Variants in MRC2 observed in about 807,000 individuals in gnomAD.
MRC2 encodes the protein mannose receptor C-type 2.
In MRC2, 84 loss-of-function variants were observed where a neutral mutation model predicts 206.2. The observed-to-expected ratio is 0.41, with a 90% CI of 0.34 to 0.49. The LOEUF (loss-of-function observed/expected upper bound fraction) is 0.49. Among genes scored for constraint, MRC2 ranks in the 20% least tolerant of loss-of-function variants. MRC2 has a pLI of 0.31. For missense variants in MRC2, 1,676 were observed against 2,001.5 expected (o/e 0.84, Z 3.10); for synonymous variants, 798 against 800.0 (o/e 1.00, Z 0.04).
chr17:62,684,851 C>T (rs983893025), intron 20 of MRC2, among the ~76,000 whole-genome samples: 2 of 152,178 alleles, frequency 1.3e-5, no homozygotes, highest in African/African-American at 4.8e-5. Flanking sequence ...TTCAAAAGAA[C>T]ATTACACGGC....
At chr17:62,651,573 A>T (rs939616896) in intron 1 of MRC2, among the ~76,000 whole-genome samples, 1 of 151,832 alleles carries the variant, frequency 6.6e-6, no homozygotes. Flanking sequence ...TTGAAAGTTA[A>T]TTTTTTTCTC....
At chr17:62,657,963 C>T (rs761177568) in intron 1 of MRC2, among the ~76,000 whole-genome samples, 24 of 152,274 alleles carry the variant, frequency 1.6e-4, no homozygotes, top group Non-Finnish European at 2.2e-4. Context: ...AGGAATCCCC[C>T]CTCAGCTTCT....
In MRC2 at chr17:62,664,941, C is replaced by T; in HGVS notation, c.512C>T (p.Pro171Leu). 6.2e-7 allele frequency: 1 copy of T among 1,602,786 alleles called. No individual in the cohort carries two copies. Among genetic ancestry groups the T allele is most frequent in the South Asian group, 1.1e-5 (1 of 90,632 alleles). ...AGCGAGGAGGACCTATGTGCTCTGC[C>T]CTACCACGGTGAGGGGCCGCTTGCA... ...YGSEEDLCAL[P>L]YHEVYTIQGN... Residue 171 changes from proline (P) to leucine (L), a missense_variant, in exon 2 of 30, where the codon CCC becomes CTC. By Grantham distance (98) the Pro-to-Leu change is moderately conservative. Around this residue, in one of 3 missense-constraint regions of MRC2, gnomAD observed 318 missense variants for 346.7 expected, o/e 0.92. Transcript: ENST00000303375. This position sits in a 1 kb window ranked among gnomAD's most constrained non-coding sequence, Gnocchi z 4.7.
rs1332330022 is a variant in MRC2, at chr17:62,664,216, C to G, written c.119-332C>G. Reference sequence around the variant, plus strand: ...CCTCGTGATCCGCCCGCCTCGGCCTCCCAAAGTGCTGGGATTACAGGCGTG... The same window carrying G: ...CCTCGTGATCCGCCCGCCTCGGCCTGCCAAAGTGCTGGGATTACAGGCGTG... On this transcript the variant is annotated intron_variant, in intron 1 of 29. Coordinates refer to ENST00000303375, the MANE Select transcript of MRC2 (RefSeq NM_006039.5). The surrounding 1 kb of genome is among the most constrained non-coding windows in gnomAD (Gnocchi z 4.7). 6.6e-6 allele frequency among the ~76,000 whole-genome samples: 1 copy of G among 151,932 alleles called. No homozygotes were observed. Among genetic ancestry groups the G allele is most frequent in the African/African-American group, 2.4e-5 (1 of 41,260 alleles).
Position 62,692,098 on chromosome 17 carries a change from C to G in MRC2, c.4193-14C>G, listed in dbSNP as rs779150914. On this transcript the variant is annotated splice_polypyrimidine_tract_variant and intron_variant, in intron 28 of 29. Transcript: ENST00000303375. The surrounding 1 kb of genome is among the most constrained non-coding windows in gnomAD (Gnocchi z 4.2). ...CACTGCTATTATTAACTGGCCCCCT[C>G]CTCTTGCCCACAGCTGAGCAGAGCA... 1.5e-5 allele frequency: 24 copies of G among 1,614,122 alleles called. No homozygotes were observed. The highest frequency in any genetic ancestry group is 4.0e-5 in the African/African-American group (3 of 74,950).
chr17:62,649,572 C>CAG (rs1286068310), intron 1 of MRC2, among the ~76,000 whole-genome samples: 12 of 152,180 alleles, frequency 7.9e-5, no homozygotes, highest in Admixed American at 2.6e-4. Flanking sequence ...GCCTGCGTGA[C>CAG]AGAGAGAGAC....
chr17:62,640,260 CA>C (rs2088384205), intron 1 of MRC2, among the ~76,000 whole-genome samples: 1 of 152,070 alleles, frequency 6.6e-6, no homozygotes, highest in Non-Finnish European at 1.5e-5. Flanking sequence ...GCATACCTGA[CA>C]TTCATCTGTC....
In MRC2 at chr17:62,679,868, G is replaced by C. The variant is rs780221773; in HGVS notation, c.2264G>C (p.Gly755Ala). ...GGCCTGAACCGTCGGGATCCCAGAGGGGGTCAGAGTTGGCGCTGGAGCGAC... is the reference window on the plus strand; with the variant it reads ...GGCCTGAACCGTCGGGATCCCAGAGCGGGTCAGAGTTGGCGCTGGAGCGAC... ...WIGLNRRDPR[G>A]GQSWRWSDGV... Residue 755 changes from glycine (G) to alanine (A), a missense_variant, in exon 14 of 30, where the codon GGG becomes GCG. By Grantham distance (60) the Gly-to-Ala change is moderately conservative (BLOSUM62 0). Coordinates refer to ENST00000303375, the MANE Select transcript of MRC2 (RefSeq NM_006039.5). The C allele has an allele frequency of 1.2e-6, 2 of 1,613,894 alleles. No homozygotes were observed. Among genetic ancestry groups the C allele is most frequent in the East Asian group, 2.2e-5 (1 of 44,874 alleles).
In MRC2 at chr17:62,675,221, C is replaced by T. The variant is rs1387279833; in HGVS notation, c.1570-569C>T. ...CCCAGGATCACCAGGGGTCTTGGCA[C>T]AGCCCCTGCCAGCAGATGAGGCCCC... On this transcript the variant is annotated intron_variant, in intron 9 of 29. Coordinates refer to ENST00000303375, the MANE Select transcript of MRC2 (RefSeq NM_006039.5). The surrounding 1 kb of genome is among the most constrained non-coding windows in gnomAD (Gnocchi z 4.1). Among the ~76,000 whole-genome samples the T allele has an allele frequency of 2.6e-5, 4 of 152,204 alleles. No individual in the cohort carries two copies. Among genetic ancestry groups the T allele is most frequent in the African/African-American group, 4.8e-5 (2 of 41,444 alleles).
At chr17:62,689,384 C>G in intron 23 of MRC2, 138 bp from the exon 24 acceptor site, 2 of 622,464 alleles carry the variant, frequency 3.2e-6, no homozygotes, top group South Asian at 4.1e-5. Context: ...TGACACCTAC[C>G]AAGCCTTGGT....
rs1290707244 is a variant in MRC2, at chr17:62,690,641, G to C, written c.3893-1G>C. ...CTGACGTGGGCCTTCTTTGCATCCA[G>C]CGGGTGGGGCCGTCCTGTCTATCCT... On this transcript the variant is annotated splice_acceptor_variant, in intron 26 of 29. Coordinates refer to ENST00000303375, the MANE Select transcript of MRC2 (RefSeq NM_006039.5). LOFTEE classifies it high-confidence loss of function. The C allele has an allele frequency of 6.3e-7, 1 of 1,599,964 alleles. No individual in the cohort carries two copies. The highest frequency in any genetic ancestry group is 2.2e-5 in the East Asian group (1 of 44,706).
chr17:62,664,727 G>C lies in MRC2; in HGVS notation c.298G>C (p.Gly100Arg). The C allele has an allele frequency of 6.2e-7, 1 of 1,614,010 alleles. No homozygotes were observed. Among genetic ancestry groups the C allele is most frequent in the Non-Finnish European group, 8.5e-7 (1 of 1,180,038 alleles). Residue 100 changes from glycine (G) to arginine (R), a missense_variant, in exon 2 of 30, where the codon GGC (glycine) becomes CGC (arginine). By Grantham distance (125) the Gly-to-Arg change is moderately radical. Coordinates refer to ENST00000303375, the MANE Select transcript of MRC2 (RefSeq NM_006039.5). The surrounding 1 kb of genome is among the most constrained non-coding windows in gnomAD (Gnocchi z 4.7). ...TMQCLGTGWP[G>R]TNTTASLGMY... Reference sequence around the variant, plus strand: ...GCAGTGCCTGGGCACAGGCTGGCCAGGCACCAACACCACGGCCTCCCTGGG... The same window carrying C: ...GCAGTGCCTGGGCACAGGCTGGCCACGCACCAACACCACGGCCTCCCTGGG...
chr17:62,662,633 G>C (rs1382294158), intron 1 of MRC2, among the ~76,000 whole-genome samples: 1 of 152,166 alleles, frequency 6.6e-6, no homozygotes, highest in Non-Finnish European at 1.5e-5. Flanking sequence ...CTAGCTGCCG[G>C]GCACGGTGGC....
intron 1 of MRC2, among the ~76,000 whole-genome samples, chr17:62,635,827 G>T (rs1242382785): frequency 6.7e-6 from 1 of 150,296 alleles, no homozygotes; most frequent in East Asian, 2.0e-4. Flanking sequence ...TCGCTCTGTT[G>T]CCCAGGCTGG....
At chr17:62,686,996 A>G (rs1188242103) in intron 20 of MRC2, among the ~76,000 whole-genome samples, 3 of 152,148 alleles carry the variant, frequency 2.0e-5, no homozygotes, top group African/African-American at 7.2e-5. Context: ...TGTGTCATGT[A>G]CTGTTATCTT....
intron 6 of MRC2, among the ~76,000 whole-genome samples, chr17:62,670,267 G>A (rs767151680): frequency 2.8e-4 from 42 of 152,188 alleles, no homozygotes; most frequent in Admixed American, 5.2e-4. Context: ...CATTTCCCAA[G>A]CTCCCTTCCG....
intron 20 of MRC2, among the ~76,000 whole-genome samples, chr17:62,687,070 G>A (rs1324652998): frequency 1.3e-5 from 2 of 152,130 alleles, no homozygotes; most frequent in Non-Finnish European, 2.9e-5. Context: ...AGTAAATTGA[G>A]GCCATAAGGT....
At chr17:62,674,033 T>G in intron 8 of MRC2, 30 bp from the exon 9 acceptor site, 2 of 1,485,484 alleles carry the variant, frequency 1.3e-6, no homozygotes, top group Non-Finnish European at 9.2e-7. Context: ...GAGGTGGGGG[T>G]TGAGATTCTT....
At chr17:62,642,004 CAA>C (rs1404448113) in intron 1 of MRC2, among the ~76,000 whole-genome samples, 1 of 152,098 alleles carries the variant, frequency 6.6e-6, no homozygotes, top group African/African-American at 2.4e-5. Context: ...CAACTAAAAA[CAA>C]AGACATGCTA....
Sources: allele counts gnomAD v4.1 joint callset (sites outside exome capture counted in the v4.1 genomes callset), GRCh38; gene constraint gnomAD v4.1.1; regional missense constraint gnomAD v4.1.1; non-coding constraint Gnocchi (gnomAD v3.1); transcripts MANE v1.5; gene names NCBI Gene and HGNC (gene_info 2026-07-23, HGNC 2026-07-21).